IL1RAPL1: variants seen among roughly 807,000 people sequenced by gnomAD.
IL1RAPL1 encodes interleukin 1 receptor accessory protein like 1.
A neutral mutation model predicts 48.4 loss-of-function variants in IL1RAPL1; 3 were observed. That is an observed-to-expected ratio of 0.06 (90% CI 0.03 to 0.16). The LOEUF is 0.16. IL1RAPL1 is among the 10% of genes least tolerant of loss of function. The pLI, the probability that IL1RAPL1 is intolerant of heterozygous loss-of-function variation, is 1.00. For missense variants in IL1RAPL1, 349 were observed against 530.6 expected (o/e 0.66, Z 3.36); for synonymous variants, 185 against 187.7 (o/e 0.99, Z 0.12).
chrX:28,932,012 A>G (rs1470821678), intron 2 of IL1RAPL1, among the ~76,000 whole-genome samples: 1 of 109,280 alleles, frequency 9.2e-6, no homozygotes, highest in Non-Finnish European at 1.9e-5. Context: ...ACTGCACTCC[A>G]GTCTGGGTGA....
Position 29,501,795 on chromosome X carries a change from G to GTTT in IL1RAPL1, c.703+102502_703+102504dup, listed in dbSNP as rs36045396. On this transcript the variant is annotated intron_variant, in intron 5 of 10. Transcript: ENST00000378993. ...GCTCAGGATTGCTTTGCTTATTTGAGTTTTTTTTTTTTTTTTTGTAGTTCC... is the reference window on the plus strand; with the variant it reads ...GCTCAGGATTGCTTTGCTTATTTGAGTTTTTTTTTTTTTTTTTTTTGTAGTTCC... Among the ~76,000 whole-genome samples the GTTT allele has an allele frequency of 8.3e-3, 666 of 80,569 alleles. 16 individuals are homozygous for GTTT. Among genetic ancestry groups the GTTT allele is most frequent in the African/African-American group, 0.031 (622 of 20,381 alleles). The allele number at this position is 80,569 out of a possible 115,157, so 70.0% of individuals were successfully genotyped here.
intron 5 of IL1RAPL1, among the ~76,000 whole-genome samples, chrX:29,660,597 C>T (rs1413207609): frequency 9.0e-6 from 1 of 111,543 alleles, no homozygotes; most frequent in Admixed American, 9.5e-5. Context: ...CTATCCTTTC[C>T]CCAATGTATG....
At chrX:29,090,690 GC>G (rs1182742185) in intron 2 of IL1RAPL1, among the ~76,000 whole-genome samples, 67 of 111,990 alleles carry the variant, frequency 6.0e-4, no homozygotes, top group Non-Finnish European at 1.2e-3. Flanking sequence ...GCTGTGGAAA[GC>G]CAGAACTCTT....
chrX:29,301,731 C>G (rs145905739), intron 3 of IL1RAPL1, among the ~76,000 whole-genome samples: 2,967 of 111,025 alleles, frequency 0.027, 110 homozygotes, highest in African/African-American at 0.093. Context: ...CACAGTCAAC[C>G]AGGCAAACAG....
chrX:28,625,610 A>T (rs746069758), intron 1 of IL1RAPL1, among the ~76,000 whole-genome samples: 60 of 111,350 alleles, frequency 5.4e-4, no homozygotes, highest in Non-Finnish European at 1.1e-3. Flanking sequence ...CACCTAGGGG[A>T]TGTGGTCATG....
At chrX:29,606,956 T>G (rs1923911719) in intron 5 of IL1RAPL1, among the ~76,000 whole-genome samples, 2 of 111,853 alleles carry the variant, frequency 1.8e-5, no homozygotes, top group South Asian at 7.4e-4. Context: ...AGGAGTACAT[T>G]TTTAATGAAT....
intron 2 of IL1RAPL1, among the ~76,000 whole-genome samples, chrX:28,817,376 T>TAGTA (rs751125548): frequency 9.0e-6 from 1 of 111,081 alleles, no homozygotes; most frequent in African/African-American, 3.3e-5. Flanking sequence ...ATTTCATTTG[T>TAGTA]AGTAGGTCCA....
intron 3 of IL1RAPL1, among the ~76,000 whole-genome samples, chrX:29,297,594 G>A (rs1401209379): frequency 8.9e-6 from 1 of 112,048 alleles, no homozygotes; most frequent in Non-Finnish European, 1.9e-5. Context: ...TGTAAACATG[G>A]AAAAGATTTT....
At chrX:29,470,148 A>G (rs981075793) in intron 5 of IL1RAPL1, among the ~76,000 whole-genome samples, 3 of 112,306 alleles carry the variant, frequency 2.7e-5, no homozygotes, top group Admixed American at 9.5e-5. Flanking sequence ...CAACACACCC[A>G]TGTAGGACCT....
chrX:28,746,549 A>G (rs1935980759), intron 1 of IL1RAPL1, among the ~76,000 whole-genome samples: 1 of 111,929 alleles, frequency 8.9e-6, no homozygotes, highest in African/African-American at 3.2e-5. Flanking sequence ...GATTATTTCA[A>G]GCCAGAGTTG....
chrX:28,666,417 A>G (rs894876624), intron 1 of IL1RAPL1, among the ~76,000 whole-genome samples: 2 of 111,786 alleles, frequency 1.8e-5, no homozygotes, highest in Non-Finnish European at 3.8e-5. Flanking sequence ...GAGGATATCC[A>G]AGAAGAAACG....
At chrX:29,558,176 C>G (rs757430758) in intron 5 of IL1RAPL1, among the ~76,000 whole-genome samples, 39 of 111,684 alleles carry the variant, frequency 3.5e-4, no homozygotes, top group African/African-American at 1.2e-3. Context: ...GGTCTCTATT[C>G]TCCACATCCT....
intron 6 of IL1RAPL1, among the ~76,000 whole-genome samples, chrX:29,707,464 T>A (rs1158123365): frequency 9.0e-6 from 1 of 111,664 alleles, no homozygotes; most frequent in African/African-American, 3.3e-5. Context: ...AGTAATTATA[T>A]GAAAAAAAGA....
chrX:29,157,157 C>G (rs933802016), intron 2 of IL1RAPL1, among the ~76,000 whole-genome samples: 10 of 111,189 alleles, frequency 9.0e-5, no homozygotes, highest in African/African-American at 3.3e-4. Flanking sequence ...GATCCAGGCT[C>G]TAAAACTCTT....
intron 5 of IL1RAPL1, among the ~76,000 whole-genome samples, chrX:29,471,833 C>T (rs1022367600): frequency 2.7e-5 from 3 of 111,608 alleles, no homozygotes; most frequent in Non-Finnish European, 5.6e-5. Flanking sequence ...GTTTCTTTCA[C>T]TTATCATCAG....
At chrX:28,951,131 G>A (rs1924450433) in intron 2 of IL1RAPL1, among the ~76,000 whole-genome samples, 1 of 71,644 alleles carries the variant, frequency 1.4e-5, no homozygotes, top group African/African-American at 5.2e-5. Context: ...GTGGGGTGGG[G>A]GGAGGGGGGA....
At chrX:29,180,464 C>T (rs1429039847) in intron 2 of IL1RAPL1, among the ~76,000 whole-genome samples, 1 of 109,576 alleles carries the variant, frequency 9.1e-6, no homozygotes, top group Non-Finnish European at 1.9e-5. Context: ...GCAACCTCCA[C>T]CTCCCGGGTT....
Position 29,396,399 on chromosome X carries a change from G to A in IL1RAPL1, c.504G>A (p.Glu168=), listed in dbSNP as rs1036505073. Residue 168 remains glutamate (E), a synonymous_variant, in exon 4 of 11, where the codon GAG becomes GAA. Transcript: ENST00000378993. ...KSKEISCRDI[E]DFLLPTREPE... ...AGGAAATTTCATGCCGTGACATAGA[G>A]GATTTTCTACTGCCAACCAGAGAAC... is the stretch of plus-strand genomic sequence containing the variant. 4.1e-6 allele frequency: 5 copies of A among 1,210,157 alleles called. No homozygotes were observed. The highest frequency in any genetic ancestry group is 5.6e-6 in the Non-Finnish European group (5 of 895,034).
At chrX:28,637,936 T>A (rs1309913323) in intron 1 of IL1RAPL1, among the ~76,000 whole-genome samples, 1 of 112,158 alleles carries the variant, frequency 8.9e-6, no homozygotes, top group African/African-American at 3.2e-5. Flanking sequence ...AAAACCATAC[T>A]TTTTAAAAAC....
Sources: gnomAD v4.1 joint callset for allele counts (sites outside exome capture counted in the v4.1 genomes callset) on GRCh38, gnomAD v4.1.1 for gene constraint, MANE v1.5 for transcripts, NCBI Gene and HGNC (gene_info 2026-07-23, HGNC 2026-07-21) for gene names.